SH3RF3: variants seen among roughly 807,000 people sequenced by gnomAD.
SH3RF3 encodes SH3 domain containing ring finger 3, also known as E3 ubiquitin-protein ligase SH3RF3.
SH3RF3 carries 29 observed loss-of-function variants against 66.3 expected under a neutral mutation model. That is an observed-to-expected ratio of 0.44 (90% confidence interval 0.33 to 0.60). SH3RF3 has a LOEUF of 0.60. SH3RF3 is among the 20% of genes least tolerant of loss of function. SH3RF3 has a pLI of 0.04. For synonymous variants in SH3RF3, 583 were observed against 532.0 expected (o/e 1.10, Z -1.32); for missense variants, 1,194 against 1,190.9 (o/e 1.00, Z -0.04).
chr2:109,496,160 C>T (rs1274619723), intron 9 of SH3RF3, among the ~76,000 whole-genome samples: 1 of 152,220 alleles, frequency 6.6e-6, no homozygotes, highest in Non-Finnish European at 1.5e-5. Context: ...TGATTGGCTA[C>T]TTTTAGGATC....
At chr2:109,204,325 C>T (rs1574502950) in intron 1 of SH3RF3, among the ~76,000 whole-genome samples, 1 of 152,194 alleles carries the variant, frequency 6.6e-6, no homozygotes, top group Admixed American at 6.5e-5. Context: ...CTTCTGTGAT[C>T]CTGTTATCTC....
chr2:109,146,180 G>T (rs1302434090), intron 1 of SH3RF3, among the ~76,000 whole-genome samples: 2 of 152,100 alleles, frequency 1.3e-5, no homozygotes, highest in African/African-American at 4.8e-5. Context: ...AGAATGCATG[G>T]TACACTAATA....
At chr2:109,158,055 C>T (rs1677394363) in intron 1 of SH3RF3, among the ~76,000 whole-genome samples, 1 of 152,166 alleles carries the variant, frequency 6.6e-6, no homozygotes, top group African/African-American at 2.4e-5. Context: ...TCATCTGGCT[C>T]CTGAGCCTGG....
chr2:109,414,949 C>T (rs1180009025), intron 4 of SH3RF3, among the ~76,000 whole-genome samples: 2 of 152,200 alleles, frequency 1.3e-5, no homozygotes, highest in Non-Finnish European at 2.9e-5. Flanking sequence ...GGGAAAAGAC[C>T]CTGAGATGGA....
intron 3 of SH3RF3, among the ~76,000 whole-genome samples, chr2:109,382,420 ACCCACCTCCCTCAGCAG>A (rs1675717863): frequency 1.3e-5 from 2 of 152,040 alleles, no homozygotes; most frequent in South Asian, 2.1e-4. Context: ...CCCACTGGCC[ACCCACCTCCCTCAGCAG>A]CCCACCTCCT....
intron 1 of SH3RF3, among the ~76,000 whole-genome samples, chr2:109,253,342 G>C (rs1436807053): frequency 1.3e-5 from 2 of 152,166 alleles, no homozygotes; most frequent in Non-Finnish European, 2.9e-5. Flanking sequence ...TGATTAAGGT[G>C]CTTTGATTAG....
chr2:109,327,834 G>A (rs1682193070), intron 1 of SH3RF3, among the ~76,000 whole-genome samples: 1 of 152,172 alleles, frequency 6.6e-6, no homozygotes, highest in Non-Finnish European at 1.5e-5. Context: ...CAGTGTTCCT[G>A]TTTTCATGTT....
At chr2:109,391,659 G>A (rs764892637) in intron 3 of SH3RF3, among the ~76,000 whole-genome samples, 4 of 152,146 alleles carry the variant, frequency 2.6e-5, no homozygotes, top group Non-Finnish European at 4.4e-5. Context: ...CCTAGGGTTC[G>A]ATGTCCCCAG....
chr2:109,361,255 A>G (rs1248643710), intron 2 of SH3RF3, among the ~76,000 whole-genome samples: 2 of 152,116 alleles, frequency 1.3e-5, no homozygotes, highest in Non-Finnish European at 2.9e-5. Context: ...ATTTGCGTTT[A>G]TGTTCATGAG....
intron 1 of SH3RF3, among the ~76,000 whole-genome samples, chr2:109,196,296 G>T (rs1428379701): frequency 6.6e-6 from 1 of 152,220 alleles, no homozygotes; most frequent in African/African-American, 2.4e-5. Flanking sequence ...CAGGCCAGCA[G>T]CCCTGGATTG....
At chr2:109,222,760 G>T (rs1006539369) in intron 1 of SH3RF3, among the ~76,000 whole-genome samples, 7 of 152,236 alleles carry the variant, frequency 4.6e-5, no homozygotes, top group African/African-American at 1.7e-4. Context: ...TGTTAAATTA[G>T]GTGGTCTGCC....
chr2:109,479,492 C>T (rs1022031056), intron 8 of SH3RF3, among the ~76,000 whole-genome samples: 4 of 152,026 alleles, frequency 2.6e-5, no homozygotes, highest in Non-Finnish European at 2.9e-5. Context: ...TAATTAAGTG[C>T]GAAAATAAGT....
intron 1 of SH3RF3, among the ~76,000 whole-genome samples, chr2:109,336,568 A>G (rs758480158): frequency 6.6e-5 from 10 of 152,180 alleles, no homozygotes; most frequent in Non-Finnish European, 1.3e-4. Flanking sequence ...AGGGAGGAGG[A>G]TGATGCCAGC....
At chr2:109,224,835 TGACAGAGCAAGACTCTGTCTCAA>T in intron 1 of SH3RF3, among the ~76,000 whole-genome samples, 1 of 152,170 alleles carries the variant, frequency 6.6e-6, no homozygotes, top group African/African-American at 2.4e-5. Context: ...CCAGCCTGGG[TGACAGAGCAAGACTCTGTCTCAA>T]AAAAATTTTT....
chr2:109,214,650 G>C (rs1679067554), intron 1 of SH3RF3, among the ~76,000 whole-genome samples: 1 of 152,110 alleles, frequency 6.6e-6, no homozygotes, highest in Non-Finnish European at 1.5e-5. Context: ...GTCTCTGCCT[G>C]ACACTCTTGC....
intron 1 of SH3RF3, among the ~76,000 whole-genome samples, chr2:109,323,498 G>A (rs532735878): frequency 9.6e-4 from 146 of 152,344 alleles, no homozygotes; most frequent in African/African-American, 3.3e-3. Context: ...TTAGTGATTG[G>A]TAGCATGCTG....
intron 1 of SH3RF3, among the ~76,000 whole-genome samples, chr2:109,136,359 G>A (rs1676814695): frequency 6.6e-6 from 1 of 152,106 alleles, no homozygotes; most frequent in Admixed American, 6.5e-5. Context: ...AATGTGAAAT[G>A]CATGCTTGAT....
intron 1 of SH3RF3, among the ~76,000 whole-genome samples, chr2:109,315,345 A>G (rs970710844): frequency 1.3e-5 from 2 of 152,210 alleles, no homozygotes; most frequent in Admixed American, 6.5e-5. Flanking sequence ...CAAGCCAGGT[A>G]AAGTGCTTTG....
chr2:109,460,771 C>A (rs1289578654), intron 8 of SH3RF3, among the ~76,000 whole-genome samples: 1 of 152,246 alleles, frequency 6.6e-6, no homozygotes, highest in African/African-American at 2.4e-5. Context: ...GCCAAATCAT[C>A]GGCCACAGCC....
Sources: gnomAD v4.1 joint callset for allele counts (sites outside exome capture counted in the v4.1 genomes callset) on GRCh38, gnomAD v4.1.1 for gene constraint, MANE v1.5 for transcripts, NCBI Gene and HGNC (gene_info 2026-07-23, HGNC 2026-07-21) for gene names.